The following PRKDC variants were observed in gnomAD, a reference collection of about 807,000 sequenced individuals.
The protein encoded by PRKDC is DNA-dependent protein kinase catalytic subunit.
A neutral mutation model predicts 486.9 loss-of-function variants in PRKDC; 82 were observed. The ratio of observed to expected loss-of-function variants is 0.17; its 90% CI spans 0.14 to 0.20. PRKDC has a LOEUF of 0.20. PRKDC is among the 10% of genes least tolerant of loss of function. The pLI, the probability that PRKDC is intolerant of heterozygous loss-of-function variation, is 1.00. For synonymous variants in PRKDC, 1,895 were observed against 1,837.0 expected (o/e 1.03, Z -0.81); for missense variants, 4,504 against 5,038.2 (o/e 0.89, Z 3.21).
At chr8:47,861,828 A>C (rs1457563213) in intron 44 of PRKDC, among the ~76,000 whole-genome samples, 2 of 152,176 alleles carry the variant, frequency 1.3e-5, no homozygotes, top group African/African-American at 4.8e-5. Flanking sequence ...ACTTCCTTTT[A>C]CTGGCACCGT....
At chr8:47,854,873 A>T (rs896096101) in intron 50 of PRKDC, among the ~76,000 whole-genome samples, 1 of 152,166 alleles carries the variant, frequency 6.6e-6, no homozygotes. Flanking sequence ...CCCTTAGTTG[A>T]TAGCAAAACT....
intron 21 of PRKDC, 54 bp from the exon 22 acceptor site, chr8:47,918,437 T>A: frequency 9.2e-7 from 1 of 1,087,336 alleles, no homozygotes; most frequent in Admixed American, 2.8e-5. Context: ...ATTCATTTAA[T>A]GTACATTAGA....
At chr8:47,950,828 A>G (rs1167181655) in intron 7 of PRKDC, among the ~76,000 whole-genome samples, 1 of 150,544 alleles carries the variant, frequency 6.6e-6, no homozygotes, top group African/African-American at 2.4e-5. Flanking sequence ...GCAAAATATA[A>G]AAGGAGCCAG....
At chr8:47,790,342 C>A (rs1162639195) in intron 74 of PRKDC, among the ~76,000 whole-genome samples, 2 of 152,098 alleles carry the variant, frequency 1.3e-5, no homozygotes, top group African/African-American at 4.8e-5. Context: ...TAGGAATAAA[C>A]TTCGCCAAAG....
chr8:47,890,485 A>G lies in PRKDC; in HGVS notation c.3848-5T>C. 1 of 1,533,930 alleles carries G rather than the reference A, an allele frequency of 6.5e-7. No individual in the cohort carries two copies. The highest frequency in any genetic ancestry group is 8.8e-7 in the Non-Finnish European group (1 of 1,132,532). ...GTGAAGACTGGGCTTCAGTACCTAG[A>G]AGCAATTATATTAAAGTATTAATAT... On this transcript the variant is annotated splice_polypyrimidine_tract_variant and splice_region_variant and intron_variant, in intron 31 of 85. Coordinates refer to ENST00000314191, the MANE Select transcript of PRKDC (RefSeq NM_006904.7).
chr8:47,841,401 C>T (rs1007662468), intron 54 of PRKDC, among the ~76,000 whole-genome samples: 10 of 152,120 alleles, frequency 6.6e-5, no homozygotes, highest in Admixed American at 2.6e-4. Flanking sequence ...CTGATCTACA[C>T]GCCTATCTGT....
In PRKDC at chr8:47,778,659, G is replaced by A. The variant is rs773471515; in HGVS notation, c.11653C>T (p.Arg3885Trp). 14 of 1,613,032 alleles carry A rather than the reference G, an allele frequency of 8.7e-6. No homozygotes were observed. Among genetic ancestry groups the A allele is most frequent in the East Asian group, 2.2e-5 (1 of 44,878 alleles). Reference protein sequence around the residue: ...ESKVPADLLKRAFVRMSTSPE... With the variant: ...ESKVPADLLKWAFVRMSTSPE... ...CTTGTACTCATCCTCACGAAGGCCC[G>A]CCTACAAAAGAGACACAGCTGTGCG... The change falls in exon 83 of 86, where the codon CGG (arginine) becomes TGG (tryptophan). Residue 3885 changes from arginine (R) to tryptophan (W), a missense_variant and splice_region_variant. Around this residue, in one of 6 missense-constraint regions of PRKDC, gnomAD observed 706 missense variants for 945.0 expected, o/e 0.75. Coordinates refer to ENST00000314191, the MANE Select transcript of PRKDC (RefSeq NM_006904.7).
In PRKDC at chr8:47,858,580, C is replaced by T; in HGVS notation, c.6401G>A (p.Gly2134Glu). ...GATATTTAATGGTACTATTGGATTT[C>T]CCAGTTTGCCATGGAGGAATTTCAT... ...SWMKFLHGKL[G>E]NPIVPLNIRL... is the part of the protein sequence containing the mutation. Residue 2134 changes from glycine to glutamate, a missense_variant, in exon 48 of 86, where the codon GGA becomes GAA. Transcript: ENST00000314191. 1 of 1,560,718 alleles carries T rather than the reference C, an allele frequency of 6.4e-7. No individual in the cohort carries two copies. The highest frequency in any genetic ancestry group is 1.2e-5 in the South Asian group (1 of 82,826).
chr8:47,787,397 A>G (rs1355000990), intron 76 of PRKDC, among the ~76,000 whole-genome samples: 1 of 152,248 alleles, frequency 6.6e-6, no homozygotes, highest in East Asian at 1.9e-4. Flanking sequence ...AAGATTAGCT[A>G]TTTCCAAACA....
At chr8:47,900,989 A>C (rs1042979229) in intron 27 of PRKDC, among the ~76,000 whole-genome samples, 4 of 151,800 alleles carry the variant, frequency 2.6e-5, no homozygotes, top group African/African-American at 9.7e-5. Flanking sequence ...CTCTACAAAA[A>C]ATTAAAAAAA....
rs761140462 is a variant in PRKDC at position 47,960,090 on chromosome 8, G to A, written c.37C>T (p.Leu13=). ...GSGAGVRCSL[L]RLQETLSAAD... ...GCGGACAAGGTCTCCTGCAGCCGCA[G>A]CAGGGAGCAACGCACACCGGCTCCG... The change falls in exon 1 of 86, where the codon CTG becomes TTG. Residue 13 remains leucine (L), a synonymous_variant. Transcript: ENST00000314191. The A allele has an allele frequency of 3.9e-6, 6 of 1,529,060 alleles. No homozygotes were observed. Among genetic ancestry groups the A allele is most frequent in the Non-Finnish European group, 4.4e-6 (5 of 1,144,282 alleles). The allele number at this position is 1,529,060 out of a possible 1,614,324, so 94.7% of individuals were successfully genotyped here. A position where few individuals can be genotyped will look rare whatever the true frequency, so the allele number is the denominator to read the frequency against.
chr8:47,847,245 C>T (rs1426028250), intron 54 of PRKDC, among the ~76,000 whole-genome samples: 3 of 152,140 alleles, frequency 2.0e-5, no homozygotes, highest in Non-Finnish European at 2.9e-5. Flanking sequence ...CACTATACTA[C>T]AGGGATACAA....
At chr8:47,954,039 A>T in intron 5 of PRKDC, 120 bp from the exon 6 acceptor site, 2 of 584,318 alleles carry the variant, frequency 3.4e-6, no homozygotes, top group Non-Finnish European at 5.7e-6. Flanking sequence ...ACAGTAAGAG[A>T]TATAAAATAT....
At chr8:47,843,865 T>C (rs1266472509) in intron 54 of PRKDC, among the ~76,000 whole-genome samples, 3 of 152,226 alleles carry the variant, frequency 2.0e-5, no homozygotes, top group African/African-American at 7.2e-5. Context: ...TTGTTACTAT[T>C]AGACCTGTCT....
intron 16 of PRKDC, among the ~76,000 whole-genome samples, chr8:47,932,799 A>T (rs2090279223): frequency 6.6e-6 from 1 of 152,166 alleles, no homozygotes; most frequent in Non-Finnish European, 1.5e-5. Context: ...TTCAAAAAAA[A>T]AATTAACATA....
At chr8:47,936,541 T>G (rs889236118) in intron 11 of PRKDC, 24 bp from the exon 12 acceptor site, 6 of 1,611,416 alleles carry the variant, frequency 3.7e-6, no homozygotes, top group East Asian at 2.2e-5. Flanking sequence ...AAAACAGAAG[T>G]CTTCATCAAT....
chr8:47,924,335 G>A (rs531719533), intron 21 of PRKDC, among the ~76,000 whole-genome samples: 5 of 152,264 alleles, frequency 3.3e-5, no homozygotes, highest in South Asian at 4.1e-4. Flanking sequence ...GAGGTGGGCA[G>A]ATGACTTGAG....
In PRKDC at chr8:47,836,406, C is replaced by A. The variant is rs572835600; in HGVS notation, c.7883G>T (p.Arg2628Leu). The A allele has an allele frequency of 2.5e-6, 4 of 1,611,618 alleles. No homozygotes were observed. Among genetic ancestry groups the A allele is most frequent in the South Asian group, 2.2e-5 (2 of 90,732 alleles). ...CCTTATCTGCCCTGCCACTGGCCAG[C>A]GAGCTGAGAGGGACCCTTCCTGGGT... The part of the protein sequence containing the change: ...TRTQEGSLSA[R>L]WPVAGQIRAT... The change falls in exon 58 of 86, where the codon CGC becomes CTC. Residue 2628 changes from arginine to leucine, a missense_variant. Transcript: ENST00000314191.
chr8:47,826,222 G>T (rs1056057855), intron 63 of PRKDC, among the ~76,000 whole-genome samples: 2 of 152,156 alleles, frequency 1.3e-5, no homozygotes, highest in African/African-American at 4.8e-5. Context: ...CTAGAAAATG[G>T]AATCTGTTTA....
Sources: gnomAD v4.1 joint callset for allele counts (sites outside exome capture counted in the v4.1 genomes callset) on GRCh38, gnomAD v4.1.1 for gene constraint, gnomAD v4.1.1 regional missense constraint, MANE v1.5 for transcripts, NCBI Gene and HGNC (gene_info 2026-07-23, HGNC 2026-07-21) for gene names.